The following PDZD7 variants were observed in gnomAD, a reference collection of about 807,000 sequenced individuals.
The protein encoded by PDZD7 is PDZ domain containing 7.
In PDZD7, 72 loss-of-function variants were observed where a neutral mutation model predicts 84.7. The ratio of observed to expected loss-of-function variants is 0.85; its 90% CI spans 0.70 to 1.03. The LOEUF (loss-of-function observed/expected upper bound fraction) is 1.03, where lower values mean the gene tolerates loss of function less well. PDZD7 is among the 50% of genes least tolerant of loss of function. PDZD7 has a pLI of 0.00. For synonymous variants in PDZD7, 594 were observed against 580.7 expected, an observed-to-expected ratio of 1.02 and a Z score of -0.33; for missense variants, 1,490 against 1,412.9, an observed-to-expected ratio of 1.05 and a Z score of -0.87.
intron 3 of PDZD7, 26 bp downstream of exon 3, chr10:101,023,902 G>A (rs763979041): frequency 1.7e-5 from 27 of 1,614,052 alleles, no homozygotes; most frequent in African/African-American, 1.3e-5. Context: ...CCTAAGCGTG[G>A]ACTTCAGCCT....
chr10:101,011,520 C>G, intron 14 of PDZD7, 170 bp downstream of exon 14: 2 of 1,435,974 alleles, frequency 1.4e-6, no homozygotes, highest in East Asian at 2.5e-5. Flanking sequence ...AGGTGGTGAC[C>G]AGCAGATGTG....
rs776207208 is a variant in PDZD7 at position 101,023,885 on chromosome 10, G to A, written c.367+43C>T. ...TCCCCTGCCATTCACTGAGATTGGA[G>A]TCACATCCTAAGCGTGGACTTCAGC... On this transcript the variant is annotated intron_variant, in intron 3 of 16. Coordinates refer to ENST00000619208, the MANE Select transcript of PDZD7 (RefSeq NM_001195263.2). 111 of 1,614,054 alleles carry A rather than the reference G, an allele frequency of 6.9e-5. 2 individuals are homozygous for A. The East Asian group carries it at 2.5e-3, about 36-fold the overall frequency.
intron 4 of PDZD7, among the ~76,000 whole-genome samples, chr10:101,022,839 C>A (rs1039908792): frequency 6.6e-6 from 1 of 151,974 alleles, no homozygotes; most frequent in Non-Finnish European, 1.5e-5. Context: ...ATGGTATGAT[C>A]TCGGCTCACT....
chr10:101,015,793 G>T lies in PDZD7; in HGVS notation c.1592C>A (p.Ala531Asp), dbSNP rs1217985038. ...ACTCCCAGACCTGGCAGACAGCAGG[G>T]CCCGGCCCCTCTCCTGGTCTGCAGG... ...RLRRDQERGR[A>D]LLSARSGSPS... Residue 531 changes from alanine to aspartate, a missense_variant, in exon 11 of 17, where the codon GCC becomes GAC. Physicochemically the swap from Ala to Asp is moderately radical, Grantham distance 126 (BLOSUM62 -2). Transcript: ENST00000619208. The T allele has an allele frequency of 8.4e-6, 13 of 1,548,778 alleles. No homozygotes were observed. The highest frequency in any genetic ancestry group is 6.8e-5 in the African/African-American group (5 of 72,998).
intron 6 of PDZD7, 110 bp from the exon 7 acceptor site, chr10:101,020,788 C>T (rs1853047221): frequency 3.7e-6 from 3 of 803,666 alleles, no homozygotes; most frequent in South Asian, 2.9e-5. Context: ...CATTTCTGTC[C>T]TCCAAATTCA....
rs976326141 is a variant in PDZD7, at chr10:101,011,811, G to A, written c.1934-50C>T. 5 of 1,550,380 alleles carry A rather than the reference G, an allele frequency of 3.2e-6. No homozygotes were observed. In the African/African-American group the frequency reaches 4.1e-5, roughly 13 times the overall value. On this transcript the variant is annotated intron_variant, in intron 13 of 16. Coordinates refer to ENST00000619208, the MANE Select transcript of PDZD7 (RefSeq NM_001195263.2). ...GCGGCAAGGTACCCCGCCAGGCTCC[G>A]GGACGGAGGCAGCTCAAGGGGCTCG...
chr10:101,007,892 A>G lies in PDZD7; in HGVS notation c.*575T>C, dbSNP rs1173799774. The G allele has an allele frequency of 1.0e-4, 1 of 9,802 alleles. No homozygotes were observed. Among genetic ancestry groups the G allele is most frequent in the Non-Finnish European group, 2.4e-4 (1 of 4,216 alleles). 0.6% of individuals were successfully genotyped at this position (9,802 alleles called of 1,614,324 possible). ...CTTGTTTGACCCCCCCCCCCCCACCATTTGCTGGCTATTCTCCTCCCCCTC... is the reference window on the plus strand; with the variant it reads ...CTTGTTTGACCCCCCCCCCCCCACCGTTTGCTGGCTATTCTCCTCCCCCTC... On this transcript the variant is annotated 3_prime_UTR_variant, in exon 17 of 17. Transcript: ENST00000619208.
At chr10:101,011,609 G>C in intron 14 of PDZD7, 81 bp downstream of exon 14, 1 of 1,512,706 alleles carries the variant, frequency 6.6e-7, no homozygotes, top group Non-Finnish European at 8.8e-7. Context: ...CCCTAGTGGG[G>C]AAAGAAGTAG....
chr10:101,012,690 G>A (rs981057510), intron 11 of PDZD7, among the ~76,000 whole-genome samples: 2 of 152,186 alleles, frequency 1.3e-5, no homozygotes, highest in African/African-American at 2.4e-5. Flanking sequence ...CTCTGGTGCC[G>A]GAAAAGGATG....
In PDZD7 at chr10:101,018,899, G is replaced by C; in HGVS notation, c.1247C>G (p.Pro416Arg). Residue 416 changes from proline (P) to arginine (R), a missense_variant, in exon 8 of 17, where the codon CCC becomes CGC. Pro to Arg is a moderately radical substitution (Grantham distance 103, BLOSUM62 -2). Coordinates refer to ENST00000619208, the MANE Select transcript of PDZD7 (RefSeq NM_001195263.2). Reference sequence around the variant, plus strand: ...GAGGGCCAGCAGCAAAGCCGTCTTGGGAGACTCAGAGAGCGCAGAGTCAAG... The same window carrying C: ...GAGGGCCAGCAGCAAAGCCGTCTTGCGAGACTCAGAGAGCGCAGAGTCAAG... ...RRLDSALSESPKTALLLALSR... is the reference protein window; with the variant it reads ...RRLDSALSESRKTALLLALSR... The C allele has an allele frequency of 6.2e-7, 1 of 1,605,200 alleles. No homozygotes were observed.
At position 101,019,151 on chromosome 10, in the gene PDZD7, G is replaced by A; in HGVS notation, c.995C>T (p.Ala332Val). 1 of 1,543,496 alleles carries A rather than the reference G, an allele frequency of 6.5e-7. No homozygotes were observed. Among genetic ancestry groups the A allele is most frequent in the South Asian group, 1.2e-5 (1 of 84,576 alleles). Residue 332 changes from alanine (A) to valine (V), a missense_variant, in exon 8 of 17, where the codon GCC (alanine) becomes GTC (valine). By Grantham distance (64) the Ala-to-Val change is moderately conservative. Coordinates refer to ENST00000619208, the MANE Select transcript of PDZD7 (RefSeq NM_001195263.2). ...SESSSSVSSC[A>V]SSAPYSSGSL... ...GCCCGAGCTGTAGGGGGCGCTGGAG[G>A]CGCACGAAGAGACGCTGGAGCTGCT...
chr10:101,022,370 A>T lies in PDZD7; in HGVS notation c.558T>A (p.Asn186Lys). 6.2e-7 allele frequency: 1 copy of T among 1,614,074 alleles called. No individual in the cohort carries two copies. Among genetic ancestry groups the T allele is most frequent in the Non-Finnish European group, 8.5e-7 (1 of 1,180,026 alleles). Residue 186 changes from asparagine (N) to lysine (K), a missense_variant, in exon 5 of 17, where the codon AAT becomes AAA. Physicochemically the swap from Asn to Lys is moderately conservative, Grantham distance 94. Coordinates refer to ENST00000619208, the MANE Select transcript of PDZD7 (RefSeq NM_001195263.2). The part of the protein sequence containing the change: ...KEKTTWVDVV[N>K]RRLVVEKCGS... ...CGCACTTCTCCACTACCAGGCGCCG[A>T]TTCACCACATCCACCCTGGACAACA...
rs746695409 is a variant in PDZD7, at chr10:101,018,895, C to A, written c.1251G>T (p.Lys417Asn). The change falls in exon 8 of 17, where the codon AAG becomes AAT. Residue 417 changes from lysine (K) to asparagine (N), a missense_variant. Coordinates refer to ENST00000619208, the MANE Select transcript of PDZD7 (RefSeq NM_001195263.2). ...GGCTGAGGGCCAGCAGCAAAGCCGT[C>A]TTGGGAGACTCAGAGAGCGCAGAGT... ...RLDSALSESP[K>N]TALLLALSRP... 6.2e-7 allele frequency: 1 copy of A among 1,605,246 alleles called. No individual in the cohort carries two copies. Among genetic ancestry groups the A allele is most frequent in the Non-Finnish European group, 8.5e-7 (1 of 1,176,468 alleles).
At chr10:101,009,671 G>T (rs1241649951) in intron 15 of PDZD7, among the ~76,000 whole-genome samples, 1 of 122,182 alleles carries the variant, frequency 8.2e-6, no homozygotes, top group South Asian at 2.9e-4. Flanking sequence ...GCAATGGCAC[G>T]ATCTCGGCTC....
At chr10:101,009,884 G>A (rs1852337196) in intron 15 of PDZD7, among the ~76,000 whole-genome samples, 1 of 151,770 alleles carries the variant, frequency 6.6e-6, no homozygotes, top group Non-Finnish European at 1.5e-5. Flanking sequence ...TGGGATTACA[G>A]GCGTGAGCCA....
At chr10:101,013,722 GTTAGGGAGT>G (rs1417025742) in intron 11 of PDZD7, among the ~76,000 whole-genome samples, 1 of 152,164 alleles carries the variant, frequency 6.6e-6, no homozygotes, top group African/African-American at 2.4e-5. Flanking sequence ...AGGTTGGTGG[GTTAGGGAGT>G]TGAATCTGGG....
intron 11 of PDZD7, among the ~76,000 whole-genome samples, chr10:101,014,471 G>A (rs992775885): frequency 4.6e-5 from 7 of 152,138 alleles, no homozygotes; most frequent in Non-Finnish European, 8.8e-5. Context: ...CGTGGCCAAA[G>A]CCTGCATTGC....
At position 101,019,127 on chromosome 10, in the gene PDZD7, C is replaced by A. The variant is rs1401905286; in HGVS notation, c.1019G>T (p.Gly340Val). The A allele has an allele frequency of 4.5e-6, 7 of 1,547,866 alleles. No homozygotes were observed. Among genetic ancestry groups the A allele is most frequent in the Non-Finnish European group, 6.1e-6 (7 of 1,153,222 alleles). The change falls in exon 8 of 17, where the codon GGC (glycine) becomes GTC (valine). Residue 340 changes from glycine (G) to valine (V), a missense_variant. Gly to Val is a moderately radical substitution (Grantham distance 109). Transcript: ENST00000619208. ...SCASSAPYSS[G>V]SLPSDRMDIC... ...GTCCATGCGGTCCGACGGCAGGGAG[C>A]CCGAGCTGTAGGGGGCGCTGGAGGC...
intron 2 of PDZD7, among the ~76,000 whole-genome samples, chr10:101,024,387 G>T (rs1215460221): frequency 1.3e-5 from 2 of 152,278 alleles, no homozygotes; most frequent in East Asian, 3.9e-4. Context: ...AGGACTACAG[G>T]CACACACCAC....
Sources: gnomAD v4.1 joint callset for allele counts (sites outside exome capture counted in the v4.1 genomes callset) on GRCh38, gnomAD v4.1.1 for gene constraint, MANE v1.5 for transcripts, NCBI Gene and HGNC (gene_info 2026-07-23, HGNC 2026-07-21) for gene names.